The following LMLN variants were observed in gnomAD, a reference collection of about 807,000 sequenced individuals.
The protein encoded by LMLN is leishmanolysin like peptidase.
In LMLN, 70 loss-of-function variants were observed where a neutral mutation model predicts 92.3. The observed-to-expected ratio is 0.76, with a 90% CI of 0.63 to 0.92. The LOEUF is 0.92. Among genes scored for constraint, LMLN ranks in the 40% least tolerant of loss-of-function variants. The probability of loss-of-function intolerance (pLI) is 0.00; values close to 1 mark genes in which losing one functional copy is unlikely to be tolerated. For synonymous variants in LMLN, 308 were observed against 296.2 expected (o/e 1.04, Z -0.41); for missense variants, 691 against 814.6 (o/e 0.85, Z 1.85).
intron 1 of LMLN, 40 bp downstream of exon 1, chr3:197,960,480 A>C: frequency 6.3e-7 from 1 of 1,579,726 alleles, no homozygotes; most frequent in Non-Finnish European, 8.7e-7. Flanking sequence ...CTCAGGGTAA[A>C]GTCACCCAGA....
At chr3:197,971,932 T>A (rs1264321923) in intron 1 of LMLN, among the ~76,000 whole-genome samples, 1 of 150,596 alleles carries the variant, frequency 6.6e-6, no homozygotes, top group Non-Finnish European at 1.5e-5. Context: ...ACCCATTCTC[T>A]GAGTCTCTGT....
At chr3:197,966,632 C>T (rs1371658964) in intron 1 of LMLN, among the ~76,000 whole-genome samples, 1 of 148,958 alleles carries the variant, frequency 6.7e-6, no homozygotes, top group Non-Finnish European at 1.5e-5. Flanking sequence ...GGCTTTTCTT[C>T]TTTACTCTGT....
At chr3:198,021,692 A>G (rs911267948) in intron 13 of LMLN, 87 bp downstream of exon 14, 3 of 1,150,252 alleles carry the variant, frequency 2.6e-6, no homozygotes, top group African/African-American at 1.6e-5. Flanking sequence ...CACAGACCCT[A>G]GAGCAGGACT....
rs977322859 is a variant in LMLN at position 197,980,398 on chromosome 3, G to T, written c.622G>T (p.Asp208Tyr). ...TGTGCCAGACCAAGAAGGCATCTCA[G>T]ATGCAGACTTTGTTCTTTACGTTGG... Residue 208 changes from aspartate to tyrosine, a missense_variant, in exon 6 of 16, where the codon GAT (aspartate) becomes TAT (tyrosine). Physicochemically the swap from Asp to Tyr is radical, Grantham distance 160. Around this residue, in one of 4 missense-constraint regions of LMLN, gnomAD observed 240 missense variants for 287.3 expected, o/e 0.84. Transcript: ENST00000330198. 1.9e-6 allele frequency: 3 copies of T among 1,614,016 alleles called. No individual in the cohort carries two copies. In the Admixed American group the frequency reaches 5.0e-5, roughly 27 times the overall value.
intron 15 of LMLN, among the ~76,000 whole-genome samples, chr3:198,037,442 G>C (rs1264428296): frequency 6.6e-6 from 1 of 152,146 alleles, no homozygotes; most frequent in Non-Finnish European, 1.5e-5. Flanking sequence ...TTGAGGTCAG[G>C]AGTTCAAGAT....
At chr3:197,990,748 A>G in intron 9 of LMLN, 72 bp downstream of exon 9, 2 of 709,004 alleles carry the variant, frequency 2.8e-6, no homozygotes, top group Non-Finnish European at 4.9e-6. Flanking sequence ...TTCTTTACTC[A>G]TCATTATTGT....
chr3:198,021,387 T>C, intron 12 of LMLN, 59 bp from the exon 14 acceptor site: 1 of 1,527,484 alleles, frequency 6.5e-7, no homozygotes. Context: ...CCTGTGCACT[T>C]CCTCAATTTT....
chr3:197,965,402 T>C (rs919012178), intron 1 of LMLN, among the ~76,000 whole-genome samples: 1 of 151,472 alleles, frequency 6.6e-6, no homozygotes, highest in African/African-American at 2.4e-5. Flanking sequence ...TATTCTATAG[T>C]TTTTTTTTAT....
intron 11 of LMLN, among the ~76,000 whole-genome samples, chr3:198,010,871 A>G (rs1722414279): frequency 6.6e-6 from 1 of 152,174 alleles, no homozygotes; most frequent in African/African-American, 2.4e-5. Flanking sequence ...TATCTCACAA[A>G]TTCCAATATG....
chr3:198,000,788 G>A (rs1027458041), intron 11 of LMLN, among the ~76,000 whole-genome samples: 1 of 152,108 alleles, frequency 6.6e-6, no homozygotes, highest in Non-Finnish European at 1.5e-5. Context: ...TTAGTACAGC[G>A]CTTGGCACAC....
chr3:197,976,233 C>A, intron 4 of LMLN, 122 bp downstream of exon 4: 1 of 566,974 alleles, frequency 1.8e-6, no homozygotes, highest in South Asian at 2.8e-5. Context: ...TCTTAGGGAC[C>A]TAACTGCAAG....
chr3:197,963,064 T>A (rs1459307249), intron 1 of LMLN, among the ~76,000 whole-genome samples: 2 of 152,214 alleles, frequency 1.3e-5, no homozygotes, highest in Admixed American at 1.3e-4. Context: ...GATTTGGAGA[T>A]AATTGACATC....
intron 13 of LMLN, among the ~76,000 whole-genome samples, chr3:198,024,351 G>A (rs990813913): frequency 1.3e-5 from 2 of 151,772 alleles, no homozygotes; most frequent in Non-Finnish European, 2.9e-5. Flanking sequence ...GAGTAGCTGG[G>A]ACTACAGGCG....
chr3:198,001,881 G>A (rs924582594), intron 11 of LMLN, among the ~76,000 whole-genome samples: 1 of 151,594 alleles, frequency 6.6e-6, no homozygotes, highest in African/African-American at 2.4e-5. Context: ...TCAAACTCCT[G>A]AGCTAAAGTG....
At chr3:198,018,421 C>T (rs1722696612) in intron 11 of LMLN, among the ~76,000 whole-genome samples, 1 of 152,230 alleles carries the variant, frequency 6.6e-6, no homozygotes, top group Non-Finnish European at 1.5e-5. Flanking sequence ...GTAAATTCCA[C>T]AGAAGTGTGG....
intron 5 of LMLN, among the ~76,000 whole-genome samples, chr3:197,978,766 G>A (rs372060036): frequency 7.9e-5 from 12 of 152,092 alleles, no homozygotes; most frequent in Admixed American, 2.6e-4. Context: ...TGAGGTGGGC[G>A]GATCACCTGA....
intron 12 of LMLN, among the ~76,000 whole-genome samples, chr3:198,020,058 G>A (rs921569446): frequency 2.6e-5 from 4 of 151,942 alleles, no homozygotes; most frequent in Admixed American, 6.6e-5. Flanking sequence ...TTGGGGTTTC[G>A]CCATGTTGCC....
At chr3:197,992,442 T>C (rs1721901875) in intron 9 of LMLN, among the ~76,000 whole-genome samples, 1 of 151,854 alleles carries the variant, frequency 6.6e-6, no homozygotes, top group Non-Finnish European at 1.5e-5. Context: ...ACATAAGAAA[T>C]GAAAGAGGAG....
chr3:197,963,452 A>G (rs551405449), intron 1 of LMLN, among the ~76,000 whole-genome samples: 1 of 152,188 alleles, frequency 6.6e-6, no homozygotes, highest in Non-Finnish European at 1.5e-5. Flanking sequence ...CGACCTCCCA[A>G]AGTGCCAGGA....
Sources: allele counts gnomAD v4.1 joint callset (sites outside exome capture counted in the v4.1 genomes callset), GRCh38; gene constraint gnomAD v4.1.1; regional missense constraint gnomAD v4.1.1; transcripts MANE v1.5; gene names NCBI Gene and HGNC (gene_info 2026-07-23, HGNC 2026-07-21).